Variants in PDCD6IP observed in about 807,000 individuals in gnomAD.
PDCD6IP encodes the protein programmed cell death 6-interacting protein.
PDCD6IP carries 43 observed loss-of-function variants against 103.7 expected under a neutral mutation model. The observed-to-expected ratio is 0.41, with a 90% CI of 0.32 to 0.53. The LOEUF is 0.53. Ranked by LOEUF, PDCD6IP falls within the 20% of genes least tolerant of loss-of-function variation. PDCD6IP has a pLI of 0.16. For synonymous variants in PDCD6IP, 354 were observed against 378.7 expected (o/e 0.93, Z 0.76); for missense variants, 871 against 1,036.7 (o/e 0.84, Z 2.20).
At chr3:33,863,719 A>C (rs879685818) in intron 15 of PDCD6IP, among the ~76,000 whole-genome samples, 1 of 152,220 alleles carries the variant, frequency 6.6e-6, no homozygotes, top group Non-Finnish European at 1.5e-5. Flanking sequence ...TGCAATAAAC[A>C]TGGGAATACA....
At chr3:33,813,948 A>G (rs186482804) in intron 3 of PDCD6IP, among the ~76,000 whole-genome samples, 68 of 152,314 alleles carry the variant, frequency 4.5e-4, no homozygotes, top group Admixed American at 1.3e-3. Flanking sequence ...AAGTAATTCT[A>G]CCTTTTGAAA....
In PDCD6IP at chr3:33,868,384, A is replaced by C. The variant is rs776213384; in HGVS notation, c.*1859A>C. ...AGGGTAAGTGCATCTGAGGGCCAAA[A>C]GAGATGTATAAGCCTTTTAGCCCAT... On this transcript the variant is annotated 3_prime_UTR_variant, in exon 18 of 18. Transcript: ENST00000307296. 6.6e-6 allele frequency: 1 copy of C among 152,332 alleles called. No homozygotes were observed. 9.4% of individuals were successfully genotyped at this position (152,332 alleles called of 1,614,324 possible).
intron 1 of PDCD6IP, among the ~76,000 whole-genome samples, chr3:33,801,098 TG>T (rs1696466746): frequency 6.6e-6 from 1 of 152,204 alleles, no homozygotes; most frequent in Non-Finnish European, 1.5e-5. Flanking sequence ...TTTCACTTTT[TG>T]GGCTTCTAGA....
At position 33,854,017 on chromosome 3, in the gene PDCD6IP, T is replaced by C. The variant is rs1697776565; in HGVS notation, c.2025+4T>C. On this transcript the variant is annotated splice_donor_region_variant and intron_variant, in intron 14 of 17. Transcript: ENST00000307296. ...TAATTTGAAGGAAGGCACAAAGGTA[T>C]GAAGTACATGCAAAAGGAACCATAG... The C allele has an allele frequency of 6.4e-7, 1 of 1,573,384 alleles. No homozygotes were observed.
At chr3:33,804,078 CAT>C (rs1230841684) in intron 1 of PDCD6IP, among the ~76,000 whole-genome samples, 1 of 152,178 alleles carries the variant, frequency 6.6e-6, no homozygotes, top group Admixed American at 6.5e-5. Flanking sequence ...TGGTGGTGAA[CAT>C]ACTCTTTGCA....
intron 12 of PDCD6IP, among the ~76,000 whole-genome samples, chr3:33,849,647 T>C (rs1408901676): frequency 2.0e-5 from 3 of 152,256 alleles, no homozygotes; most frequent in Non-Finnish European, 2.9e-5. Context: ...ATTCTAATTA[T>C]TTATATACTT....
chr3:33,867,122 AG>A lies in PDCD6IP; in HGVS notation c.*598del. 2 of 152,338 alleles carry A rather than the reference AG, an allele frequency of 1.3e-5. No homozygotes were observed. The highest frequency in any genetic ancestry group is 4.1e-4 in the South Asian group (2 of 4,830). The allele number at this position is 152,338 out of a possible 1,614,324, so 9.4% of individuals were successfully genotyped here. ...AGATACTGTTTTTAAGTGCATGAAT[AG>A]TACAAGTTATTATCAAGGATGTTTT... On this transcript the variant is annotated 3_prime_UTR_variant, in exon 18 of 18. Transcript: ENST00000307296.
chr3:33,858,733 C>T (rs1278766746), intron 15 of PDCD6IP, among the ~76,000 whole-genome samples: 1 of 151,800 alleles, frequency 6.6e-6, no homozygotes, highest in Admixed American at 6.6e-5. Flanking sequence ...TGGCGTGAAC[C>T]CGGGAGGCGG....
At chr3:33,810,943 A>C (rs999953218) in intron 1 of PDCD6IP, 1 of 167,544 alleles carries the variant, frequency 6.0e-6, no homozygotes, top group African/African-American at 2.5e-5. Flanking sequence ...GCTGGAGTAC[A>C]GTGGCGCTGT....
At position 33,836,239 on chromosome 3, in the gene PDCD6IP, A is replaced by C. The variant is rs747107132; in HGVS notation, c.1030A>C (p.Asn344His). ...CACACTTGTGAAATCTACCCCGGTC[A>C]ATGTACCCATCAGTCAGAAATTTAC... is the stretch of plus-strand genomic sequence containing the variant. ...KATLVKSTPV[N>H]VPISQKFTDL... The change falls in exon 8 of 18, where the codon AAT (asparagine) becomes CAT (histidine). Residue 344 changes from asparagine (N) to histidine (H), a missense_variant. Physicochemically the swap from Asn to His is moderately conservative, Grantham distance 68 (BLOSUM62 1). Transcript: ENST00000307296. The C allele has an allele frequency of 6.2e-5, 99 of 1,609,280 alleles. No homozygotes were observed. The highest frequency in any genetic ancestry group is 7.9e-5 in the Non-Finnish European group (93 of 1,175,810).
In PDCD6IP at chr3:33,865,517, C is replaced by G. The variant is rs1007936499; in HGVS notation, c.2432+87C>G. On this transcript the variant is annotated intron_variant, in intron 17 of 17. Coordinates refer to ENST00000307296, the MANE Select transcript of PDCD6IP (RefSeq NM_013374.6). ...TGTTAAAAACAGGGTCATCCCTTCT[C>G]CAAATGGAGGTGTCATGAATGAATA... 46 of 1,059,292 alleles carry G rather than the reference C, an allele frequency of 4.3e-5. No homozygotes were observed. In the African/African-American group the frequency reaches 7.6e-4, roughly 18 times the overall value. 65.6% of individuals were successfully genotyped at this position (1,059,292 alleles called of 1,614,324 possible).
chr3:33,801,575 G>A (rs913917685), intron 1 of PDCD6IP, among the ~76,000 whole-genome samples: 1 of 152,150 alleles, frequency 6.6e-6, no homozygotes, highest in African/African-American at 2.4e-5. Flanking sequence ...GATCACTAGA[G>A]CCCACGAGTT....
Position 33,798,644 on chromosome 3 carries a change from TCCGCCAGC to T in PDCD6IP, c.-82_-75del, listed in dbSNP as rs1696386818. ...GTCTGTCAGCCAGTCAGTCCGCCAG[TCCGCCAGC>T]CCAGTACCTCTCTCTCCTCGGCCCT... On this transcript the variant is annotated 5_prime_UTR_variant, in exon 1 of 18. Transcript: ENST00000307296. The T allele has an allele frequency of 1.6e-6, 2 of 1,270,890 alleles. No individual in the cohort carries two copies. Among genetic ancestry groups the T allele is most frequent in the Non-Finnish European group, 2.1e-6 (2 of 944,548 alleles). The allele number at this position is 1,270,890 out of a possible 1,614,324, so 78.7% of individuals were successfully genotyped here. A position where few individuals can be genotyped will look rare whatever the true frequency, so the allele number is the denominator to read the frequency against.
intron 10 of PDCD6IP, among the ~76,000 whole-genome samples, chr3:33,843,902 G>T: frequency 6.8e-6 from 1 of 148,004 alleles, no homozygotes. Context: ...ACTGAGAAAG[G>T]TGATAGCTAA....
chr3:33,834,670 A>C (rs1373625226), intron 7 of PDCD6IP, among the ~76,000 whole-genome samples: 1 of 152,146 alleles, frequency 6.6e-6, no homozygotes, highest in Admixed American at 6.5e-5. Context: ...TGATTTTTTA[A>C]CTTATTATTT....
intron 9 of PDCD6IP, among the ~76,000 whole-genome samples, chr3:33,839,690 C>T (rs936369075): frequency 6.6e-6 from 1 of 152,110 alleles, no homozygotes; most frequent in African/African-American, 2.4e-5. Context: ...GGTTGTTTTC[C>T]AAAGTGGTTG....
At chr3:33,808,724 G>C (rs1029519298) in intron 1 of PDCD6IP, among the ~76,000 whole-genome samples, 1 of 152,188 alleles carries the variant, frequency 6.6e-6, no homozygotes, top group Non-Finnish European at 1.5e-5. Flanking sequence ...CTACACAACA[G>C]TCATGGTGAC....
At chr3:33,854,230 A>G (rs767186308) in intron 14 of PDCD6IP, among the ~76,000 whole-genome samples, 3 of 152,250 alleles carry the variant, frequency 2.0e-5, no homozygotes, top group Non-Finnish European at 4.4e-5. Flanking sequence ...GCATATTTCA[A>G]CTGGCAGAAA....
chr3:33,800,172 G>C (rs1182152950), intron 1 of PDCD6IP, among the ~76,000 whole-genome samples: 4 of 146,336 alleles, frequency 2.7e-5, no homozygotes, highest in African/African-American at 1.0e-4. Flanking sequence ...TAACTGAAAA[G>C]TCTAGGGATA....
Sources: gnomAD v4.1 joint callset for allele counts (sites outside exome capture counted in the v4.1 genomes callset) on GRCh38, gnomAD v4.1.1 for gene constraint, MANE v1.5 for transcripts, NCBI Gene and HGNC (gene_info 2026-07-23, HGNC 2026-07-21) for gene names.